The following CFH variants were observed in gnomAD, a reference collection of about 807,000 sequenced individuals.
CFH encodes the protein complement factor H, also known as H factor 1 (complement).
In CFH, 53 loss-of-function variants were observed where a neutral mutation model predicts 147.3. That is an observed-to-expected ratio of 0.36 (90% CI 0.29 to 0.45). The LOEUF (loss-of-function observed/expected upper bound fraction) is 0.45. Ranked by LOEUF, CFH falls within the 20% of genes least tolerant of loss-of-function variation. CFH has a pLI of 1.00. For synonymous variants in CFH, 536 were observed against 489.4 expected, an observed-to-expected ratio of 1.10 and a Z score of -1.26; for missense variants, 1,380 against 1,498.0, an observed-to-expected ratio of 0.92 and a Z score of 1.30.
intron 9 of CFH, among the ~76,000 whole-genome samples, chr1:196,692,695 T>C (rs1474860910): frequency 1.7e-5 from 2 of 119,786 alleles, no homozygotes; most frequent in Non-Finnish European, 3.5e-5. Flanking sequence ...TCTTTCTCTT[T>C]CCCTTCCTTT....
chr1:196,746,323 C>A (rs550389729), intron 21 of CFH, among the ~76,000 whole-genome samples: 1 of 152,064 alleles, frequency 6.6e-6, no homozygotes, highest in African/African-American at 2.4e-5. Flanking sequence ...TGGTGACGGG[C>A]ACCTGTAGTC....
intron 9 of CFH, among the ~76,000 whole-genome samples, chr1:196,697,987 C>T (rs1668333548): frequency 8.1e-6 from 1 of 123,760 alleles, no homozygotes; most frequent in South Asian, 2.6e-4. Context: ...GGGAACATCA[C>T]ACACCGGGGC....
chr1:196,745,577 G>A (rs1652971471), intron 20 of CFH, among the ~76,000 whole-genome samples: 1 of 152,072 alleles, frequency 6.6e-6, no homozygotes, highest in African/African-American at 2.4e-5. Flanking sequence ...TCTTAATCCT[G>A]GTCTACCATA....
chr1:196,652,756 T>C (rs1417701088), intron 1 of CFH, among the ~76,000 whole-genome samples: 2 of 151,832 alleles, frequency 1.3e-5, no homozygotes, highest in Non-Finnish European at 2.9e-5. Context: ...GTTAAGTTGT[T>C]CAATAGAGAT....
intron 6 of CFH, among the ~76,000 whole-genome samples, chr1:196,680,607 T>C (rs1177975013): frequency 6.6e-6 from 1 of 151,834 alleles, no homozygotes; most frequent in African/African-American, 2.4e-5. Flanking sequence ...AATAAGTGGG[T>C]TTGCTTTTGA....
chr1:196,707,381 A>G (rs1416598929), intron 9 of CFH, among the ~76,000 whole-genome samples: 1 of 152,164 alleles, frequency 6.6e-6, no homozygotes, highest in East Asian at 1.9e-4. Flanking sequence ...AATATACACA[A>G]TCTTTAGGTT....
At chr1:196,746,354 G>A (rs1046388610) in intron 21 of CFH, among the ~76,000 whole-genome samples, 4 of 152,168 alleles carry the variant, frequency 2.6e-5, no homozygotes, top group African/African-American at 9.7e-5. Flanking sequence ...GGGAGTCTGA[G>A]GCAGGAAAAT....
chr1:196,707,842 GTTA>G (rs1668629155), intron 9 of CFH, among the ~76,000 whole-genome samples: 1 of 152,124 alleles, frequency 6.6e-6, no homozygotes, highest in South Asian at 2.1e-4. Context: ...AGGAATGTTT[GTTA>G]TTATAATTAT....
intron 11 of CFH, among the ~76,000 whole-genome samples, chr1:196,722,397 A>T (rs1012769832): frequency 6.6e-6 from 1 of 152,140 alleles, no homozygotes; most frequent in African/African-American, 2.4e-5. Context: ...TTCTTTAAGA[A>T]CCCTGAAAAT....
Position 196,743,458 on chromosome 1 carries a change from C to G in CFH, c.3140C>G (p.Ser1047Cys). ...TTCTTTTTTTTCTATTCAGACACCT[C>G]CTGTGTGAATCCGCCCACAGTACAA... is the stretch of plus-strand genomic sequence containing the variant. ...WTGRPTCRDT[S>C]CVNPPTVQNA... Residue 1047 changes from serine (S) to cysteine (C), a missense_variant, in exon 20 of 22, where the codon TCC becomes TGC. Ser to Cys is a moderately radical substitution (Grantham distance 112, BLOSUM62 -1). Around this residue, in one of 4 missense-constraint regions of CFH, gnomAD observed 830 missense variants for 821.4 expected, o/e 1.01. Transcript: ENST00000367429. The G allele has an allele frequency of 6.2e-7, 1 of 1,613,986 alleles. No homozygotes were observed. Among genetic ancestry groups the G allele is most frequent in the Non-Finnish European group, 8.5e-7 (1 of 1,179,918 alleles).
At chr1:196,658,258 A>G (rs1005991845) in intron 1 of CFH, among the ~76,000 whole-genome samples, 2 of 151,734 alleles carry the variant, frequency 1.3e-5, no homozygotes, top group Non-Finnish European at 2.9e-5. Context: ...TATTATTCTT[A>G]CTTTTTTGAG....
chr1:196,741,699 T>C, intron 18 of CFH, 176 bp from the exon 19 acceptor site: 1 of 604,516 alleles, frequency 1.7e-6, no homozygotes, highest in Non-Finnish European at 2.9e-6. Context: ...TTAATAGATT[T>C]AGAAGAATTT....
At position 196,676,079 on chromosome 1, in the gene CFH, G is replaced by C. The variant is rs755841584; in HGVS notation, c.427+14G>C. On this transcript the variant is annotated intron_variant, in intron 4 of 21. Transcript: ENST00000367429. ...CTATATGTGAAGGTAGACATAAAAT[G>C]TATTTACAAGTATATTGAAATAAAT... The C allele has an allele frequency of 5.5e-6, 8 of 1,447,414 alleles. No individual in the cohort carries two copies. The highest frequency in any genetic ancestry group is 1.2e-5 in the South Asian group (1 of 84,374). The allele number at this position is 1,447,414 out of a possible 1,614,324, so 89.7% of individuals were successfully genotyped here. A position where few individuals can be genotyped will look rare whatever the true frequency, so the allele number is the denominator to read the frequency against.
chr1:196,712,125 T>G (rs563564680), intron 9 of CFH, among the ~76,000 whole-genome samples: 5 of 152,126 alleles, frequency 3.3e-5, no homozygotes, highest in African/African-American at 1.2e-4. Context: ...TCATTGTCAC[T>G]TTTTCTCTGG....
intron 6 of CFH, 94 bp downstream of exon 6, chr1:196,679,887 G>A: frequency 8.7e-7 from 1 of 1,147,304 alleles, no homozygotes; most frequent in African/African-American, 1.6e-5. Flanking sequence ...CAAAAGTAGA[G>A]TGCTAATTTA....
At chr1:196,714,654 TATATATATATATATAGAGAG>T (rs1287974514) in intron 10 of CFH, among the ~76,000 whole-genome samples, 17 of 50,038 alleles carry the variant, frequency 3.4e-4, no homozygotes, top group East Asian at 2.5e-3. Flanking sequence ...TATATATATA[TATATATATATATATAGAGAG>T]AGAGAGAGAG....
intron 10 of CFH, 45 bp from the exon 11 acceptor site, chr1:196,715,548 A>G: frequency 7.0e-7 from 1 of 1,425,414 alleles, no homozygotes; most frequent in African/African-American, 1.4e-5. Context: ...CAGATTGTTT[A>G]TTAGATGACA....
Position 196,677,462 on chromosome 1 carries a change from T to C in CFH, c.428-14T>C, listed in dbSNP as rs184188486. On this transcript the variant is annotated splice_polypyrimidine_tract_variant and intron_variant, in intron 4 of 21. Coordinates refer to ENST00000367429, the MANE Select transcript of CFH (RefSeq NM_000186.4). ...TAAAATTCCATTAGAAAACATTACA[T>C]GTATTTTCTTCAGTTGTGAAGTGTT... 2,080 of 1,609,142 alleles carry C rather than the reference T, an allele frequency of 1.3e-3. 9 individuals carry two copies. In the Middle Eastern group the frequency reaches 0.016, roughly 13 times the overall value.
At chr1:196,686,554 A>G (rs1667836911) in intron 7 of CFH, among the ~76,000 whole-genome samples, 1 of 152,140 alleles carries the variant, frequency 6.6e-6, no homozygotes, top group Non-Finnish European at 1.5e-5. Flanking sequence ...CTACACTTAA[A>G]CTATATATTC....
Sources: gnomAD v4.1 joint callset for allele counts (sites outside exome capture counted in the v4.1 genomes callset) on GRCh38, gnomAD v4.1.1 for gene constraint, gnomAD v4.1.1 regional missense constraint, MANE v1.5 for transcripts, NCBI Gene and HGNC (gene_info 2026-07-23, HGNC 2026-07-21) for gene names.